The following SLK variants were observed in gnomAD, a reference collection of about 807,000 sequenced individuals.
SLK encodes STE20-like serine/threonine-protein kinase.
Under a neutral mutation model 147.7 loss-of-function variants are expected in SLK, and 67 were observed. That is an observed-to-expected ratio of 0.45 (90% CI 0.37 to 0.56). The LOEUF (loss-of-function observed/expected upper bound fraction) is 0.56. SLK is among the 20% of genes least tolerant of loss of function. The pLI is 0.00. For synonymous variants in SLK, 441 were observed against 475.0 expected (o/e 0.93, Z 0.93); for missense variants, 1,136 against 1,438.8 (o/e 0.79, Z 3.41).
intron 11 of SLK, among the ~76,000 whole-genome samples, chr10:104,006,763 CTGTGG>C (rs1441787029): frequency 6.6e-6 from 1 of 151,624 alleles, no homozygotes; most frequent in East Asian, 1.9e-4. Flanking sequence ...TTTGTGTGAA[CTGTGG>C]ATTGTTGATT....
At position 104,003,464 on chromosome 10, in the gene SLK, C is replaced by T. The variant is rs568320575; in HGVS notation, c.2286C>T (p.Asp762=). 56 of 1,609,238 alleles carry T rather than the reference C, an allele frequency of 3.5e-5. No individual in the cohort carries two copies. In the South Asian group the frequency reaches 5.5e-4, roughly 16 times the overall value. The change falls in exon 9 of 19, where the codon GAC becomes GAT. Residue 762 remains aspartate (D), a synonymous_variant. Transcript: ENST00000369755. ...CCACTGCTGATACTAGCAGTATTGACTTGAATTTATCCATCTCTAGCTTTC... is the reference window on the plus strand; with the variant it reads ...CCACTGCTGATACTAGCAGTATTGATTTGAATTTATCCATCTCTAGCTTTC... ...TGSTADTSSI[D]LNLSISSFLS... is the part of the protein sequence containing the mutation.
chr10:104,001,654 G>A lies in SLK; in HGVS notation c.993+82G>A, dbSNP rs1589537245. ...GTTGCTCCTGTATCTAAGGATTGATGGGTGGCAACGCAAAACCTTTAAATT... is the reference window on the plus strand; with the variant it reads ...GTTGCTCCTGTATCTAAGGATTGATAGGTGGCAACGCAAAACCTTTAAATT... On this transcript the variant is annotated intron_variant, in intron 8 of 18. Transcript: ENST00000369755. 21 of 1,461,652 alleles carry A rather than the reference G, an allele frequency of 1.4e-5. No individual in the cohort carries two copies. In the East Asian group the frequency reaches 3.2e-4, roughly 22 times the overall value. The allele number at this position is 1,461,652 out of a possible 1,614,324, so 90.5% of individuals were successfully genotyped here.
intron 9 of SLK, among the ~76,000 whole-genome samples, chr10:104,004,573 G>A (rs1387703847): frequency 6.6e-6 from 1 of 152,162 alleles, no homozygotes; most frequent in Non-Finnish European, 1.5e-5. Flanking sequence ...TGGAAGAAGA[G>A]CATGAGGATC....
chr10:103,994,946 G>T (rs567355983), intron 4 of SLK, among the ~76,000 whole-genome samples: 1 of 152,280 alleles, frequency 6.6e-6, no homozygotes, highest in Admixed American at 6.5e-5. Context: ...GAGGCACACC[G>T]TGTCTGCTTT....
At chr10:104,004,155 C>T (rs1391265277) in intron 9 of SLK, among the ~76,000 whole-genome samples, 2 of 152,030 alleles carry the variant, frequency 1.3e-5, no homozygotes, top group African/African-American at 4.8e-5. Flanking sequence ...AAAATACTTC[C>T]TAGACCCTCT....
In SLK at chr10:104,021,816, G is replaced by A. The variant is rs541593811; in HGVS notation, c.3561+83G>A. ...ATTGGCTCTTTACCTACTGTGTCAG[G>A]TACAGTGTCAGGGGCAGGAAACATA... On this transcript the variant is annotated intron_variant, in intron 18 of 18. Transcript: ENST00000369755. 5.4e-5 allele frequency: 40 copies of A among 740,068 alleles called. No individual in the cohort carries two copies. In the South Asian group the frequency reaches 5.9e-4, roughly 11 times the overall value. The allele number at this position is 740,068 out of a possible 1,614,324, so 45.8% of individuals were successfully genotyped here.
chr10:104,003,004 A>G lies in SLK; in HGVS notation c.1826A>G (p.Asn609Ser), dbSNP rs1317244645. The G allele has an allele frequency of 4.3e-6, 7 of 1,613,734 alleles. No individual in the cohort carries two copies. Among genetic ancestry groups the G allele is most frequent in the Admixed American group, 3.3e-5 (2 of 59,980 alleles). Residue 609 changes from asparagine (N) to serine (S), a missense_variant, in exon 9 of 19, where the codon AAT becomes AGT. Asn to Ser is a conservative substitution (Grantham distance 46). Transcript: ENST00000369755. Reference sequence around the variant, plus strand: ...CCTATTAAAGAAATAGTTGAAATGAATGAAATAGAAGAAGGTAAAAATAAG... The same window carrying G: ...CCTATTAAAGAAATAGTTGAAATGAGTGAAATAGAAGAAGGTAAAAATAAG... ...EVPIKEIVEM[N>S]EIEEGKNKEQ...
At chr10:103,989,699 A>G (rs1286459419) in intron 1 of SLK, among the ~76,000 whole-genome samples, 2 of 151,960 alleles carry the variant, frequency 1.3e-5, no homozygotes, top group Non-Finnish European at 2.9e-5. Context: ...CGATCTCCTG[A>G]CTTCGTGATC....
At chr10:103,989,711 G>T (rs568159691) in intron 1 of SLK, among the ~76,000 whole-genome samples, 1 of 152,046 alleles carries the variant, frequency 6.6e-6, no homozygotes, top group South Asian at 2.1e-4. Flanking sequence ...TTCGTGATCT[G>T]CCTGCCTCGG....
chr10:103,995,423 C>CTTTT (rs756975426), intron 4 of SLK, among the ~76,000 whole-genome samples: 51 of 67,670 alleles, frequency 7.5e-4, no homozygotes, highest in East Asian at 1.3e-3. Context: ...TCTTTCTTTT[C>CTTTT]TTTTTTTTTT....
chr10:103,999,764 CTAT>C (rs1198032454), intron 6 of SLK, 100 bp from the exon 7 acceptor site: 3 of 549,874 alleles, frequency 5.5e-6, no homozygotes, highest in Non-Finnish European at 9.8e-6. Context: ...TGAATTAATA[CTAT>C]TACATACATA....
chr10:103,994,379 C>G (rs1844138707), intron 4 of SLK, among the ~76,000 whole-genome samples: 1 of 152,138 alleles, frequency 6.6e-6, no homozygotes, highest in Non-Finnish European at 1.5e-5. Flanking sequence ...ATATTATTTC[C>G]TTCCTTGTGT....
In SLK at chr10:103,979,052, G is replaced by A. The variant is rs543265175; in HGVS notation, c.150+11157G>A. Among the ~76,000 whole-genome samples the A allele has an allele frequency of 7.2e-5, 11 of 152,210 alleles. No homozygotes were observed. The South Asian group carries it at 2.3e-3, about 32-fold the overall frequency. On this transcript the variant is annotated intron_variant, in intron 1 of 18. Transcript: ENST00000369755. ...TTTTTTTGAGACAGGGTCTCACTCT[G>A]TCGCCCAGGCAGGAGTGCAGTGCCG... is the stretch of plus-strand genomic sequence containing the variant.
chr10:104,008,900 T>G (rs1047871341), intron 12 of SLK, among the ~76,000 whole-genome samples: 1 of 152,216 alleles, frequency 6.6e-6, no homozygotes, highest in African/African-American at 2.4e-5. Context: ...CTGAATAACC[T>G]GAAATTTGAC....
chr10:103,995,410 TTTTC>T (rs1423976773), intron 4 of SLK, among the ~76,000 whole-genome samples: 17 of 139,358 alleles, frequency 1.2e-4, no homozygotes, highest in African/African-American at 4.2e-4. Context: ...TTCTTTTTTC[TTTTC>T]TTTCTTTTCT....
intron 1 of SLK, among the ~76,000 whole-genome samples, chr10:103,971,477 T>C (rs1184630832): frequency 1.3e-5 from 2 of 152,232 alleles, no homozygotes; most frequent in East Asian, 1.9e-4. Context: ...GGTTTCACCA[T>C]GTTTGCCAGG....
Position 104,018,780 on chromosome 10 carries a change from C to T in SLK, c.3008-4C>T, listed in dbSNP as rs753073417. The T allele has an allele frequency of 2.5e-6, 4 of 1,605,478 alleles. No individual in the cohort carries two copies. The East Asian group carries it at 6.7e-5, about 27-fold the overall frequency. On this transcript the variant is annotated splice_polypyrimidine_tract_variant and splice_region_variant and intron_variant, in intron 14 of 18. Transcript: ENST00000369755. ...GTGACATTTTGAAAACTGCTGTCTT[C>T]TAGCTCGAGAAGCTGCAATTTGGGA... is the stretch of plus-strand genomic sequence containing the variant.
At chr10:104,011,008 T>C in intron 13 of SLK, 100 bp downstream of exon 13, 1 of 613,152 alleles carries the variant, frequency 1.6e-6, no homozygotes, top group Non-Finnish European at 2.6e-6. Flanking sequence ...GTTATTATTA[T>C]ATGATGTTGA....
At chr10:104,015,735 T>C (rs1844454467) in intron 13 of SLK, among the ~76,000 whole-genome samples, 1 of 152,208 alleles carries the variant, frequency 6.6e-6, no homozygotes, top group South Asian at 2.1e-4. Context: ...GAACAAAAAT[T>C]GCATAGATGA....
Sources: gnomAD v4.1 joint callset for allele counts (sites outside exome capture counted in the v4.1 genomes callset) on GRCh38, gnomAD v4.1.1 for gene constraint, MANE v1.5 for transcripts, NCBI Gene and HGNC (gene_info 2026-07-23, HGNC 2026-07-21) for gene names.